USP9X: variants seen among roughly 807,000 people sequenced by gnomAD.
The protein encoded by USP9X is ubiquitin specific peptidase 9 X-linked.
In USP9X, 7 loss-of-function variants were observed where a neutral mutation model predicts 190.3. The ratio of observed to expected loss-of-function variants is 0.04; its 90% CI spans 0.02 to 0.07. The LOEUF (loss-of-function observed/expected upper bound fraction) is 0.07. USP9X is among the 10% of genes least tolerant of loss of function. The pLI is 1.00. For missense variants in USP9X, 1,010 were observed against 1,916.9 expected (o/e 0.53, Z 8.83); for synonymous variants, 645 against 659.5 (o/e 0.98, Z 0.34).
In USP9X at chrX:41,229,502, C is replaced by T; in HGVS notation, c.7219-65C>T. The T allele has an allele frequency of 5.1e-6, 6 of 1,166,839 alleles. No homozygotes were observed. In the South Asian group the frequency reaches 8.0e-5, roughly 16 times the overall value. On this transcript the variant is annotated intron_variant, in intron 42 of 44. Coordinates refer to ENST00000378308, the MANE Select transcript of USP9X (RefSeq NM_001039591.3). ...GAGAATCATGAGAACTTGGGGTTGT[C>T]ATTTTAAGTTAACTTTGAAGTATTC... is the stretch of plus-strand genomic sequence containing the variant.
Position 41,236,553 on chromosome X carries a change from T to C in USP9X, c.*4029T>C, listed in dbSNP as rs1017330214. 5 of 112,598 alleles carry C rather than the reference T, an allele frequency of 4.4e-5. No homozygotes were observed. The highest frequency in any genetic ancestry group is 7.5e-5 in the Non-Finnish European group (4 of 53,255). 9.3% of individuals were successfully genotyped at this position (112,598 alleles called of 1,213,427 possible). On this transcript the variant is annotated 3_prime_UTR_variant, in exon 45 of 45. Transcript: ENST00000378308. ...CACAGTTCCTAAGATTTAGCACATA[T>C]ACAAAAATAAAACTTTATAAATTCA... is the stretch of plus-strand genomic sequence containing the variant.
chrX:41,134,719 T>C lies in USP9X; in HGVS notation c.323-6T>C, dbSNP rs2062356388. On this transcript the variant is annotated splice_polypyrimidine_tract_variant and splice_region_variant and intron_variant, in intron 4 of 44. Transcript: ENST00000378308. ...GTTTGCATTAATTTTTCTCCCTTTT[T>C]CTTAGGCCTTGATGTTAAAAGTGAA... 8.3e-7 allele frequency: 1 copy of C among 1,200,916 alleles called. No homozygotes were observed. The highest frequency in any genetic ancestry group is 1.1e-6 in the Non-Finnish European group (1 of 888,476).
At chrX:41,148,718 T>G (rs1478071719) in intron 12 of USP9X, 143 bp downstream of exon 12, 1 of 557,971 alleles carries the variant, frequency 1.8e-6, no homozygotes, top group Non-Finnish European at 2.8e-6. Flanking sequence ...ATTAGTCTGC[T>G]TTCCTTAGGA....
intron 26 of USP9X, chrX:41,189,715 C>T (rs2147171927): frequency 7.1e-6 from 2 of 282,899 alleles, no homozygotes; most frequent in South Asian, 1.4e-4. Flanking sequence ...TTAGTTTTAC[C>T]TGGGAGGTAT....
At chrX:41,215,342 C>T (rs2063202433) in intron 34 of USP9X, among the ~76,000 whole-genome samples, 1 of 112,789 alleles carries the variant, frequency 8.9e-6, no homozygotes, top group Non-Finnish European at 1.9e-5. Context: ...TGGCCTTATG[C>T]ACCACTTAGA....
chrX:41,197,352 C>CCCCCCCTGG lies in USP9X; in HGVS notation c.4234-12_4234-11insCCCCCCTGG. ...TTCTTCCCCCCCCCACCCCACCCCC[C>CCCCCCCTGG]GCCTTTGGCAGGATGATGTTAAAAG... On this transcript the variant is annotated splice_polypyrimidine_tract_variant and intron_variant, in intron 28 of 44. Transcript: ENST00000378308. 1 of 988,230 alleles carries CCCCCCCTGG rather than the reference C, an allele frequency of 1.0e-6. No individual in the cohort carries two copies. Among genetic ancestry groups the CCCCCCCTGG allele is most frequent in the Non-Finnish European group, 1.3e-6 (1 of 759,397 alleles). 81.4% of individuals were successfully genotyped at this position (988,230 alleles called of 1,213,427 possible).
At chrX:41,209,626 T>C (rs1036529894) in intron 32 of USP9X, among the ~76,000 whole-genome samples, 6 of 111,969 alleles carry the variant, frequency 5.4e-5, no homozygotes, top group Non-Finnish European at 1.1e-4. Context: ...GAGTTGAATA[T>C]GGTTTGAAAG....
intron 9 of USP9X, 60 bp downstream of exon 9, chrX:41,141,491 T>C: frequency 9.8e-7 from 1 of 1,017,415 alleles, no homozygotes; most frequent in Non-Finnish European, 1.3e-6. Context: ...GAAATTAGAA[T>C]AGCTCTAGCT....
At chrX:41,125,680 ACACACTCTCTCT>A (rs2062236432) in intron 2 of USP9X, among the ~76,000 whole-genome samples, 2 of 26,656 alleles carry the variant, frequency 7.5e-5, no homozygotes, top group African/African-American at 2.8e-4. Context: ...ACACACACAC[ACACACTCTCTCT>A]CTCTCTCTCT....
intron 1 of USP9X, among the ~76,000 whole-genome samples, chrX:41,104,128 G>C (rs1229401721): frequency 9.0e-6 from 1 of 111,727 alleles, no homozygotes; most frequent in Non-Finnish European, 1.9e-5. Context: ...GTGCAGTGGC[G>C]TGATCATGGC....
chrX:41,171,587 A>G (rs1238639566), intron 20 of USP9X: 1 of 368,762 alleles, frequency 2.7e-6, no homozygotes, highest in East Asian at 6.0e-5. Flanking sequence ...AATTGTATAT[A>G]TGAGAGAAAT....
In USP9X at chrX:41,201,175, G is replaced by A. The variant is rs1241682395; in HGVS notation, c.4719G>A (p.Gln1573=). ...CTTGTTACATGAATTCTGTGATTCA[G>A]CAACTCTACATGATTCCTTCCATTA... The part of the protein sequence containing the change: ...GATCYMNSVI[Q]QLYMIPSIRN... Residue 1573 remains glutamine, a synonymous_variant, in exon 31 of 45, where the codon CAG becomes CAA. Coordinates refer to ENST00000378308, the MANE Select transcript of USP9X (RefSeq NM_001039591.3). 7 of 1,211,657 alleles carry A rather than the reference G, an allele frequency of 5.8e-6. No individual in the cohort carries two copies. The South Asian group carries it at 1.1e-4, about 18-fold the overall frequency.
chrX:41,177,920 C>T (rs1187521028), intron 21 of USP9X, among the ~76,000 whole-genome samples: 2 of 109,116 alleles, frequency 1.8e-5, no homozygotes, highest in Non-Finnish European at 3.8e-5. Context: ...CCCAGACATA[C>T]AACCTCAATT....
intron 1 of USP9X, among the ~76,000 whole-genome samples, chrX:41,114,730 C>T (rs2062134534): frequency 9.2e-6 from 1 of 108,929 alleles, no homozygotes; most frequent in Admixed American, 9.8e-5. Context: ...GTGATCCGCC[C>T]GCCTCAGCCT....
At chrX:41,182,740 TATAG>T (rs1162044715) in intron 21 of USP9X, among the ~76,000 whole-genome samples, 1 of 110,780 alleles carries the variant, frequency 9.0e-6, no homozygotes, top group Non-Finnish European at 1.9e-5. Context: ...GATAAAATGA[TATAG>T]ATGAATATTC....
intron 4 of USP9X, among the ~76,000 whole-genome samples, chrX:41,133,085 G>GA (rs2062338255): frequency 8.9e-6 from 1 of 111,818 alleles, no homozygotes; most frequent in African/African-American, 3.2e-5. Context: ...TATCACAATT[G>GA]AAACTGATTA....
At chrX:41,138,723 C>T (rs919799501) in intron 6 of USP9X, among the ~76,000 whole-genome samples, 2 of 112,640 alleles carry the variant, frequency 1.8e-5, no homozygotes, top group Non-Finnish European at 3.7e-5. Flanking sequence ...TAAATGAGAT[C>T]ATTTATTCAA....
At chrX:41,214,526 T>C (rs745324636) in intron 33 of USP9X, 42 bp from the exon 34 acceptor site, 2 of 1,111,976 alleles carry the variant, frequency 1.8e-6, no homozygotes, top group East Asian at 3.2e-5. Context: ...CTAAAATGTT[T>C]ACAAAACTAA....
chrX:41,090,500 C>T (rs139445966), intron 1 of USP9X, among the ~76,000 whole-genome samples: 84 of 112,458 alleles, frequency 7.5e-4, no homozygotes, highest in South Asian at 1.8e-3. Flanking sequence ...GTGTCTTCAA[C>T]GTGTGTATAC....
Sources: allele counts gnomAD v4.1 joint callset (sites outside exome capture counted in the v4.1 genomes callset), GRCh38; gene constraint gnomAD v4.1.1; transcripts MANE v1.5; gene names NCBI Gene and HGNC (gene_info 2026-07-23, HGNC 2026-07-21).